OSBPL6: variants seen among roughly 807,000 people sequenced by gnomAD.
The protein encoded by OSBPL6 is oxysterol binding protein like 6, also known as oxysterol-binding protein-related protein 6.
OSBPL6 carries 49 observed loss-of-function variants against 125.8 expected under a neutral mutation model. That is an observed-to-expected ratio of 0.39 (90% CI 0.31 to 0.49). The LOEUF (loss-of-function observed/expected upper bound fraction) is 0.49, where lower values mean the gene tolerates loss of function less well. Among genes scored for constraint, OSBPL6 ranks in the 20% least tolerant of loss-of-function variants. OSBPL6 has a pLI of 0.88. For synonymous variants in OSBPL6, 394 were observed against 391.8 expected (o/e 1.01, Z -0.07); for missense variants, 986 against 1,135.4 (o/e 0.87, Z 1.89).
intron 23 of OSBPL6, among the ~76,000 whole-genome samples, chr2:178,393,650 C>A (rs564763191): frequency 6.6e-6 from 1 of 152,246 alleles, no homozygotes; most frequent in Non-Finnish European, 1.5e-5. Flanking sequence ...TATTATATTC[C>A]TGTTCTTTGC....
intron 1 of OSBPL6, among the ~76,000 whole-genome samples, chr2:178,281,044 T>C (rs1433270196): frequency 2.0e-5 from 3 of 150,762 alleles, no homozygotes; most frequent in Non-Finnish European, 4.4e-5. Context: ...AGATGGAGTC[T>C]TACTCTGTTG....
Position 178,383,133 on chromosome 2 carries a change from C to T in OSBPL6, c.1731C>T (p.Asn577=). 6.2e-7 allele frequency: 1 copy of T among 1,614,146 alleles called. No homozygotes were observed. Among genetic ancestry groups the T allele is most frequent in the Non-Finnish European group, 8.5e-7 (1 of 1,180,038 alleles). Residue 577 remains asparagine, a synonymous_variant, in exon 17 of 25, where the codon AAC becomes AAT. Coordinates refer to ENST00000190611, the MANE Select transcript of OSBPL6 (RefSeq NM_032523.4). The stretch of plus-strand genomic sequence containing the variant: ...TTAACCTGTGGAATATCTTGAGGAA[C>T]AACATTGGTAAAGACCTGTCTAAAG... ...SNINLWNILR[N]NIGKDLSKVS... is the part of the protein sequence containing the mutation.
At chr2:178,319,097 G>A (rs1046624340) in intron 3 of OSBPL6, among the ~76,000 whole-genome samples, 1 of 152,148 alleles carries the variant, frequency 6.6e-6, no homozygotes, top group Non-Finnish European at 1.5e-5. Flanking sequence ...GATGAGGGTT[G>A]GTATGCTGGT....
chr2:178,331,256 G>A (rs547182941), intron 5 of OSBPL6, among the ~76,000 whole-genome samples: 150 of 152,068 alleles, frequency 9.9e-4, no homozygotes, highest in Non-Finnish European at 1.9e-3. Context: ...TTCATTCAGG[G>A]GATTGTAGCT....
At position 178,306,036 on chromosome 2, in the gene OSBPL6, T is replaced by G. The variant is rs1038288712; in HGVS notation, c.-149T>G. 5 of 562,958 alleles carry G rather than the reference T, an allele frequency of 8.9e-6. No homozygotes were observed. The African/African-American group carries it at 9.5e-5, about 11-fold the overall frequency. The allele number at this position is 562,958 out of a possible 1,614,324, so 34.9% of individuals were successfully genotyped here. A position where few individuals can be genotyped will look rare whatever the true frequency, so the allele number is the denominator to read the frequency against. ...TTGTTTGTTTTGCTTTTAGGTGGTT[T>G]GGACACCCTCAATATTGCCTGCTCT... is the stretch of plus-strand genomic sequence containing the variant. On this transcript the variant is annotated 5_prime_UTR_variant, in exon 3 of 25. Transcript: ENST00000190611.
In OSBPL6 at chr2:178,247,019, C is replaced by A. The variant is rs1029348484; in HGVS notation, c.-350-37908C>A. Among the ~76,000 whole-genome samples the A allele has an allele frequency of 4.9e-4, 74 of 150,396 alleles. 1 individual carries two copies. The highest frequency in any genetic ancestry group is 7.7e-4 in the Non-Finnish European group (52 of 67,712). On this transcript the variant is annotated intron_variant, in intron 1 of 24. Coordinates refer to ENST00000190611, the MANE Select transcript of OSBPL6 (RefSeq NM_032523.4). The stretch of plus-strand genomic sequence containing the variant: ...TCCCTGTAACCTGCCCCTCCCCACC[C>A]CCCCATGTTATTGTGTACTCAACTT...
intron 13 of OSBPL6, among the ~76,000 whole-genome samples, chr2:178,364,435 C>A (rs1477781908): frequency 6.6e-6 from 1 of 152,126 alleles, no homozygotes; most frequent in African/African-American, 2.4e-5. Context: ...TTGAGAATAG[C>A]TTGTACATTT....
chr2:178,275,340 C>T (rs1242826532), intron 1 of OSBPL6, among the ~76,000 whole-genome samples: 5 of 151,920 alleles, frequency 3.3e-5, no homozygotes, highest in Admixed American at 2.6e-4. Flanking sequence ...AGTGAAACCC[C>T]GTCTCTACTA....
chr2:178,287,963 A>T (rs1053644573), intron 2 of OSBPL6, among the ~76,000 whole-genome samples: 1 of 149,278 alleles, frequency 6.7e-6, no homozygotes, highest in Non-Finnish European at 1.5e-5. Flanking sequence ...AAACAGGTTG[A>T]TTTTTTTTTT....
intron 4 of OSBPL6, among the ~76,000 whole-genome samples, chr2:178,324,711 G>A (rs1189547420): frequency 1.3e-5 from 2 of 152,156 alleles, no homozygotes; most frequent in Admixed American, 1.3e-4. Flanking sequence ...CTCATAAACA[G>A]CTCCACACAG....
chr2:178,207,834 GAA>G (rs2089620242), intron 1 of OSBPL6, among the ~76,000 whole-genome samples: 1 of 152,096 alleles, frequency 6.6e-6, no homozygotes, highest in South Asian at 2.1e-4. Flanking sequence ...TAACTGGTTT[GAA>G]AAAGTCTAAT....
At chr2:178,316,604 G>A (rs1687758029) in intron 3 of OSBPL6, among the ~76,000 whole-genome samples, 1 of 152,028 alleles carries the variant, frequency 6.6e-6, no homozygotes, top group African/African-American at 2.4e-5. Flanking sequence ...TACATAACAT[G>A]GTTTATGTAA....
At chr2:178,263,465 C>A (rs192484843) in intron 1 of OSBPL6, among the ~76,000 whole-genome samples, 2 of 152,062 alleles carry the variant, frequency 1.3e-5, no homozygotes, top group Non-Finnish European at 2.9e-5. Flanking sequence ...GCAACAAAAG[C>A]GAAACTCAGT....
chr2:178,307,744 T>G (rs1437834092), intron 3 of OSBPL6, among the ~76,000 whole-genome samples: 1 of 151,678 alleles, frequency 6.6e-6, no homozygotes, highest in Non-Finnish European at 1.5e-5. Context: ...AGAGAGAGAG[T>G]CATTGTAAGC....
rs1477166266 is a variant in OSBPL6 at position 178,332,647 on chromosome 2, A to G, written c.379A>G (p.Lys127Glu). The change falls in exon 7 of 25, where the codon AAA (lysine) becomes GAA (glutamate). Residue 127 changes from lysine (K) to glutamate (E), a missense_variant. Lys to Glu is a moderately conservative substitution (Grantham distance 56). Around this residue, in one of 3 missense-constraint regions of OSBPL6, gnomAD observed 843 missense variants for 997.3 expected, o/e 0.85. Transcript: ENST00000190611. ...KYSKAPLDIQ[K>E]GKVHGSIDVG... is the part of the protein sequence containing the mutation. ...ACTAGTCTTTTGATTTCAGATTCAG[A>G]AAGGAAAGGTCCATGGGAGCATAGA... is the stretch of plus-strand genomic sequence containing the variant. 1 of 1,612,228 alleles carries G rather than the reference A, an allele frequency of 6.2e-7. No individual in the cohort carries two copies. Among genetic ancestry groups the G allele is most frequent in the African/African-American group, 1.3e-5 (1 of 74,926 alleles).
At chr2:178,360,373 T>TG (rs1057513325) in intron 12 of OSBPL6, among the ~76,000 whole-genome samples, 18 of 151,826 alleles carry the variant, frequency 1.2e-4, no homozygotes, top group East Asian at 7.8e-4. Flanking sequence ...CACAGCGCGG[T>TG]GGGGGGGCGG....
intron 12 of OSBPL6, among the ~76,000 whole-genome samples, chr2:178,356,460 C>G (rs1170880942): frequency 6.6e-6 from 1 of 152,030 alleles, no homozygotes; most frequent in East Asian, 1.9e-4. Context: ...AAACAGAGAG[C>G]CAAATCATGA....
chr2:178,205,427 G>C (rs2089475484), intron 1 of OSBPL6, among the ~76,000 whole-genome samples: 1 of 152,194 alleles, frequency 6.6e-6, no homozygotes, highest in South Asian at 2.1e-4. Flanking sequence ...GGGGGAGAAA[G>C]AAGTCTTAGA....
chr2:178,373,533 A>C (rs955869563), intron 14 of OSBPL6, among the ~76,000 whole-genome samples: 2 of 152,222 alleles, frequency 1.3e-5, no homozygotes, highest in African/African-American at 4.8e-5. Flanking sequence ...AGTTTCTACG[A>C]ATATTTCTTC....
Sources: gnomAD v4.1 joint callset for allele counts (sites outside exome capture counted in the v4.1 genomes callset) on GRCh38, gnomAD v4.1.1 for gene constraint, gnomAD v4.1.1 regional missense constraint, MANE v1.5 for transcripts, NCBI Gene and HGNC (gene_info 2026-07-23, HGNC 2026-07-21) for gene names.